Variants in CTNND2 observed in about 807,000 individuals in gnomAD.
CTNND2 encodes the protein catenin delta 2.
CTNND2 carries 22 observed loss-of-function variants against 144.4 expected under a neutral mutation model. The ratio of observed to expected loss-of-function variants is 0.15; its 90% CI spans 0.11 to 0.22. CTNND2 has a LOEUF of 0.22. Among genes scored for constraint, CTNND2 ranks in the 10% least tolerant of loss-of-function variants. The pLI, the probability that CTNND2 is intolerant of heterozygous loss-of-function variation, is 1.00. For missense variants in CTNND2, 1,353 were observed against 1,618.8 expected (o/e 0.84, Z 2.82); for synonymous variants, 751 against 695.6 (o/e 1.08, Z -1.25).
At chr5:11,184,290 T>G (rs76204220) in intron 11 of CTNND2, among the ~76,000 whole-genome samples, 5,477 of 152,344 alleles carry the variant, frequency 0.036, 151 homozygotes, top group South Asian at 0.056. Context: ...CAAATGTGGT[T>G]CACTGTTAAG....
At chr5:11,341,287 G>A (rs937666136) in intron 9 of CTNND2, among the ~76,000 whole-genome samples, 2 of 152,168 alleles carry the variant, frequency 1.3e-5, no homozygotes, top group African/African-American at 4.8e-5. Flanking sequence ...GCAGATTTCT[G>A]TATCAATATA....
chr5:11,463,543 G>A (rs1581250548), intron 3 of CTNND2, among the ~76,000 whole-genome samples: 1 of 152,096 alleles, frequency 6.6e-6, no homozygotes, highest in Non-Finnish European at 1.5e-5. Flanking sequence ...CATTAGAGAG[G>A]AAAATGCTGC....
chr5:10,973,666 C>T lies in CTNND2; in HGVS notation c.3465G>A (p.Glu1155=). The T allele has an allele frequency of 2.5e-6, 4 of 1,613,260 alleles. No homozygotes were observed. Among genetic ancestry groups the T allele is most frequent in the Non-Finnish European group, 3.4e-6 (4 of 1,179,550 alleles). ...TGGAATTCTGAAATGGCTGGTAGGT[C>T]TCGTAATCTTTTCTGCTGGGCTCCT... ...VPQEPSRKDY[E]TYQPFQNSTR... The change falls in exon 22 of 22, where the codon GAG becomes GAA. Residue 1155 remains glutamate, a synonymous_variant. Transcript: ENST00000304623. This position sits in a 1 kb window ranked among gnomAD's most constrained non-coding sequence, Gnocchi z 5.6.
chr5:11,329,690 G>T lies in CTNND2; in HGVS notation c.1628+16682C>A, dbSNP rs192711448. ...GAGATTGGAGACCAGGAGAGAAGAA[G>T]GTGGTCAGAGGGAAGCGTCAGGGTG... On this transcript the variant is annotated intron_variant, in intron 9 of 21. Transcript: ENST00000304623. 8.5e-5 allele frequency among the ~76,000 whole-genome samples: 13 copies of T among 152,318 alleles called. No homozygotes were observed. In the East Asian group the frequency reaches 1.9e-3, roughly 23 times the overall value.
intron 12 of CTNND2, among the ~76,000 whole-genome samples, chr5:11,134,901 G>A (rs1755979457): frequency 1.3e-5 from 2 of 152,294 alleles, no homozygotes; most frequent in East Asian, 1.9e-4. Flanking sequence ...TTATAAAGCT[G>A]CACAGAAAGG....
chr5:11,503,177 A>G (rs1770699797), intron 3 of CTNND2, among the ~76,000 whole-genome samples: 1 of 152,220 alleles, frequency 6.6e-6, no homozygotes, highest in Non-Finnish European at 1.5e-5. Flanking sequence ...TCGCAGTCAC[A>G]TGAAGACAGC....
At chr5:11,496,102 C>T (rs369031294) in intron 3 of CTNND2, among the ~76,000 whole-genome samples, 1 of 152,142 alleles carries the variant, frequency 6.6e-6, no homozygotes, top group Non-Finnish European at 1.5e-5. Context: ...TGAACACAAT[C>T]CCCCCATTAC....
In CTNND2 at chr5:10,985,683, C is replaced by T. The variant is rs113070402; in HGVS notation, c.3343+2428G>A. Among the ~76,000 whole-genome samples the T allele has an allele frequency of 2.2e-4, 33 of 152,226 alleles. 1 individual carries two copies. The highest frequency in any genetic ancestry group is 5.8e-4 in the African/African-American group (24 of 41,532). ...TCAATGCACTGAACTTTAAATGTTCCGTAGATTTGTTCTTGAACAAGAAAA... is the reference window on the plus strand; with the variant it reads ...TCAATGCACTGAACTTTAAATGTTCTGTAGATTTGTTCTTGAACAAGAAAA... On this transcript the variant is annotated intron_variant, in intron 20 of 21. Coordinates refer to ENST00000304623, the MANE Select transcript of CTNND2 (RefSeq NM_001332.4).
intron 12 of CTNND2, among the ~76,000 whole-genome samples, chr5:11,148,439 C>T (rs1261743503): frequency 2.6e-5 from 4 of 152,076 alleles, no homozygotes; most frequent in African/African-American, 9.7e-5. Context: ...TGGAAGGGCT[C>T]GTTTCTGCTG....
intron 2 of CTNND2, among the ~76,000 whole-genome samples, chr5:11,650,540 A>T (rs930707667): frequency 2.0e-5 from 3 of 152,216 alleles, no homozygotes; most frequent in Non-Finnish European, 4.4e-5. Context: ...TCAGAAGGAG[A>T]CAGGAAGATG....
At position 11,424,298 on chromosome 5, in the gene CTNND2, CA is replaced by C. The variant is rs1272953422; in HGVS notation, c.288-12230del. 3.3e-5 allele frequency among the ~76,000 whole-genome samples: 5 copies of C among 151,938 alleles called. No homozygotes were observed. In the East Asian group the frequency reaches 9.6e-4, roughly 29 times the overall value. On this transcript the variant is annotated intron_variant, in intron 3 of 21. Coordinates refer to ENST00000304623, the MANE Select transcript of CTNND2 (RefSeq NM_001332.4). ...AATACAAAATTGTAGAACTGGAAAA[CA>C]GATCAGTAGTTGTCAGGATTTAGGG...
intron 1 of CTNND2, among the ~76,000 whole-genome samples, chr5:11,790,315 C>T (rs924771625): frequency 1.3e-5 from 2 of 152,164 alleles, no homozygotes; most frequent in Non-Finnish European, 2.9e-5. Flanking sequence ...TAGTGCCTGC[C>T]ATATGCTTGT....
At chr5:11,131,857 T>C (rs1012554809) in intron 12 of CTNND2, among the ~76,000 whole-genome samples, 5 of 152,216 alleles carry the variant, frequency 3.3e-5, no homozygotes, top group Admixed American at 2.0e-4. Context: ...TGCAGTCATG[T>C]AATCTTTTAA....
At chr5:11,583,819 A>G (rs1406353854) in intron 2 of CTNND2, among the ~76,000 whole-genome samples, 1 of 152,236 alleles carries the variant, frequency 6.6e-6, no homozygotes, top group Non-Finnish European at 1.5e-5. Context: ...GTCAATATCT[A>G]TGCATTCTAT....
At chr5:11,029,190 GT>G (rs1410442860) in intron 16 of CTNND2, among the ~76,000 whole-genome samples, 1 of 152,150 alleles carries the variant, frequency 6.6e-6, no homozygotes, top group Admixed American at 6.6e-5. Flanking sequence ...TCTAAAGTAA[GT>G]TTTTTGTAGG....
At chr5:11,767,628 T>C (rs75170417) in intron 1 of CTNND2, among the ~76,000 whole-genome samples, 18 of 152,296 alleles carry the variant, frequency 1.2e-4, no homozygotes, top group East Asian at 9.7e-4. Flanking sequence ...CTTCATCATA[T>C]TGAAAATGGA....
intron 1 of CTNND2, among the ~76,000 whole-genome samples, chr5:11,752,131 A>G (rs1441207024): frequency 6.6e-6 from 1 of 151,832 alleles, no homozygotes; most frequent in African/African-American, 2.4e-5. Context: ...TAAGTTACAA[A>G]TATCTTCTCC....
intron 2 of CTNND2, among the ~76,000 whole-genome samples, chr5:11,659,197 A>G (rs1001917064): frequency 3.3e-5 from 5 of 152,164 alleles, no homozygotes; most frequent in African/African-American, 1.2e-4. Flanking sequence ...AACTATTTTC[A>G]TAGTATTTAC....
intron 11 of CTNND2, among the ~76,000 whole-genome samples, chr5:11,179,187 G>T (rs1760764626): frequency 6.6e-6 from 1 of 152,066 alleles, no homozygotes; most frequent in Non-Finnish European, 1.5e-5. Flanking sequence ...CAGCTACTCG[G>T]GAGGCTGAGG....
Sources: gnomAD v4.1 joint callset for allele counts (sites outside exome capture counted in the v4.1 genomes callset) on GRCh38, gnomAD v4.1.1 for gene constraint, Gnocchi (gnomAD v3.1) non-coding constraint, MANE v1.5 for transcripts, NCBI Gene and HGNC (gene_info 2026-07-23, HGNC 2026-07-21) for gene names.